Variants in MACROH2A2 observed in about 807,000 individuals in gnomAD.
The protein encoded by MACROH2A2 is core histone macro-H2A.2.
MACROH2A2 carries 6 observed loss-of-function variants against 37.6 expected under a neutral mutation model. That is an observed-to-expected ratio of 0.16 (90% confidence interval 0.09 to 0.32). The LOEUF (loss-of-function observed/expected upper bound fraction) is 0.32. Among genes scored for constraint, MACROH2A2 ranks in the 10% least tolerant of loss-of-function variants. The pLI, the probability that MACROH2A2 is intolerant of heterozygous loss-of-function variation, is 1.00. For missense variants in MACROH2A2, 290 were observed against 485.9 expected, an observed-to-expected ratio of 0.60 and a Z score of 3.79; for synonymous variants, 192 against 202.7, an observed-to-expected ratio of 0.95 and a Z score of 0.45.
chr10:70,061,697 T>A (rs1044289409), intron 1 of MACROH2A2, among the ~76,000 whole-genome samples: 4 of 152,192 alleles, frequency 2.6e-5, no homozygotes, highest in Admixed American at 2.6e-4. Context: ...CTACACGACG[T>A]GACTTGAAAT....
At chr10:70,103,053 C>T (rs547161561) in intron 7 of MACROH2A2, among the ~76,000 whole-genome samples, 7 of 152,284 alleles carry the variant, frequency 4.6e-5, no homozygotes, top group African/African-American at 1.4e-4. Flanking sequence ...ATGAGACTCT[C>T]GCGGCCTTTA....
chr10:70,057,883 A>C (rs1380488288), intron 1 of MACROH2A2, among the ~76,000 whole-genome samples: 1 of 152,182 alleles, frequency 6.6e-6, no homozygotes, highest in Non-Finnish European at 1.5e-5. Context: ...CTATTACTAC[A>C]CCCATCACAG....
chr10:70,094,074 C>T (rs1355984577), intron 5 of MACROH2A2, among the ~76,000 whole-genome samples: 2 of 152,060 alleles, frequency 1.3e-5, no homozygotes, highest in South Asian at 2.1e-4. Context: ...CAAGGGTGAG[C>T]ATGGAAGCTC....
intron 2 of MACROH2A2, among the ~76,000 whole-genome samples, chr10:70,080,146 G>A (rs1226482778): frequency 6.6e-6 from 1 of 152,046 alleles, no homozygotes; most frequent in Non-Finnish European, 1.5e-5. Context: ...GGACGTGATG[G>A]TGCATGCCTG....
rs1267026180 is a variant in MACROH2A2, at chr10:70,053,982, C to T, written c.-60+982C>T. ...TCCCCCGGCTCCCAGCCTCCAGCCC[C>T]GGCGCACCTCAGCCCCAGCCCGGCC... On this transcript the variant is annotated intron_variant, in intron 1 of 8. Transcript: ENST00000373255. The surrounding 1 kb of genome is among the most constrained non-coding windows in gnomAD (Gnocchi z 4.8). 6.6e-6 allele frequency among the ~76,000 whole-genome samples: 1 copy of T among 152,328 alleles called. No individual in the cohort carries two copies. The highest frequency in any genetic ancestry group is 2.1e-4 in the South Asian group (1 of 4,832).
chr10:70,104,068 A>G (rs1282979248), intron 7 of MACROH2A2, among the ~76,000 whole-genome samples: 3 of 152,240 alleles, frequency 2.0e-5, no homozygotes, highest in Admixed American at 6.5e-5. Context: ...TGTTAGGTGT[A>G]AGAAGCCATG....
At chr10:70,076,380 A>G (rs1460099778) in intron 2 of MACROH2A2, among the ~76,000 whole-genome samples, 1 of 152,110 alleles carries the variant, frequency 6.6e-6, no homozygotes, top group Non-Finnish European at 1.5e-5. Flanking sequence ...TTCTCGTCTA[A>G]TAGGGGTGCA....
At chr10:70,104,873 C>T (rs1411594431) in intron 7 of MACROH2A2, among the ~76,000 whole-genome samples, 2 of 152,148 alleles carry the variant, frequency 1.3e-5, no homozygotes, top group Non-Finnish European at 2.9e-5. Flanking sequence ...TTCTAAGATG[C>T]TTCCTGATTT....
chr10:70,089,068 C>T (rs944451482), intron 2 of MACROH2A2, among the ~76,000 whole-genome samples: 2 of 152,224 alleles, frequency 1.3e-5, no homozygotes, highest in South Asian at 4.1e-4. Context: ...CATGCCACTG[C>T]ACTCCAGCCT....
intron 6 of MACROH2A2, among the ~76,000 whole-genome samples, chr10:70,097,160 T>C (rs2072281008): frequency 6.6e-6 from 1 of 152,298 alleles, no homozygotes; most frequent in African/African-American, 2.4e-5. Context: ...TTCAGGGTCT[T>C]GGGAGGAGAA....
At chr10:70,065,865 G>C (rs2072076426) in intron 1 of MACROH2A2, among the ~76,000 whole-genome samples, 1 of 152,160 alleles carries the variant, frequency 6.6e-6, no homozygotes, top group African/African-American at 2.4e-5. Context: ...TAAGTTTTCA[G>C]GTTGAACCAA....
In MACROH2A2 at chr10:70,111,653, G is replaced by A; in HGVS notation, c.1089G>A (p.Val363=). The change falls in exon 9 of 9, where the codon GTG becomes GTA. Residue 363 remains valine, a synonymous_variant. Coordinates refer to ENST00000373255, the MANE Select transcript of MACROH2A2 (RefSeq NM_018649.3). ...LFDSESIGIY[V]QEMAKLDAK The stretch of plus-strand genomic sequence containing the variant: ...ACAGCGAGAGCATCGGCATCTACGT[G>A]CAGGAGATGGCCAAGCTCGACGCCA... 1 of 1,611,388 alleles carries A rather than the reference G, an allele frequency of 6.2e-7. No homozygotes were observed. Among genetic ancestry groups the A allele is most frequent in the Non-Finnish European group, 8.5e-7 (1 of 1,178,706 alleles).
intron 7 of MACROH2A2, among the ~76,000 whole-genome samples, chr10:70,106,940 AG>A (rs2072341602): frequency 6.6e-6 from 1 of 152,200 alleles, no homozygotes; most frequent in Admixed American, 6.5e-5. Context: ...AATAGCAGCC[AG>A]GTGCTCGGGA....
At chr10:70,101,544 G>T (rs139269449) in intron 7 of MACROH2A2, among the ~76,000 whole-genome samples, 1 of 152,142 alleles carries the variant, frequency 6.6e-6, no homozygotes, top group Non-Finnish European at 1.5e-5. Context: ...TCTGGACCCC[G>T]GACATGTTCC....
chr10:70,077,200 A>T (rs915244936), intron 2 of MACROH2A2, among the ~76,000 whole-genome samples: 2 of 152,198 alleles, frequency 1.3e-5, no homozygotes, highest in Non-Finnish European at 1.5e-5. Context: ...TGGTCCAGGG[A>T]CCACATGTTG....
chr10:70,063,659 A>G (rs2072061896), intron 1 of MACROH2A2, among the ~76,000 whole-genome samples: 1 of 152,222 alleles, frequency 6.6e-6, no homozygotes, highest in South Asian at 2.1e-4. Flanking sequence ...GTCAAATGAC[A>G]TTTTCAGTTT....
At chr10:70,078,135 C>T (rs2072152027) in intron 2 of MACROH2A2, among the ~76,000 whole-genome samples, 1 of 152,226 alleles carries the variant, frequency 6.6e-6, no homozygotes, top group Admixed American at 6.5e-5. Context: ...CTCTGTTAGT[C>T]TTTGGTTCAG....
At chr10:70,086,477 G>A (rs554118682) in intron 2 of MACROH2A2, among the ~76,000 whole-genome samples, 7 of 152,236 alleles carry the variant, frequency 4.6e-5, no homozygotes, top group Admixed American at 3.3e-4. Flanking sequence ...CCTATGCTAC[G>A]TTTGATTCCG....
At chr10:70,086,750 C>T (rs1589836468) in intron 2 of MACROH2A2, among the ~76,000 whole-genome samples, 1 of 152,230 alleles carries the variant, frequency 6.6e-6, no homozygotes, top group African/African-American at 2.4e-5. Flanking sequence ...GCTCATTAAC[C>T]CCCAGACCCA....
Sources: allele counts gnomAD v4.1 joint callset (sites outside exome capture counted in the v4.1 genomes callset), GRCh38; gene constraint gnomAD v4.1.1; non-coding constraint Gnocchi (gnomAD v3.1); transcripts MANE v1.5; gene names NCBI Gene and HGNC (gene_info 2026-07-23, HGNC 2026-07-21).